ARHGAP35: variants seen among roughly 807,000 people sequenced by gnomAD.
ARHGAP35 encodes rho GTPase-activating protein 35.
ARHGAP35 carries 15 observed loss-of-function variants against 111.1 expected under a neutral mutation model. That is an observed-to-expected ratio of 0.13 (90% confidence interval 0.09 to 0.21). The LOEUF (loss-of-function observed/expected upper bound fraction) is 0.21, where lower values mean the gene tolerates loss of function less well. Among genes scored for constraint, ARHGAP35 ranks in the 10% least tolerant of loss-of-function variants. ARHGAP35 has a pLI of 1.00. For synonymous variants in ARHGAP35, 643 were observed against 710.3 expected (o/e 0.91, Z 1.51); for missense variants, 1,262 against 1,873.0 (o/e 0.67, Z 6.02).
intron 1 of ARHGAP35, among the ~76,000 whole-genome samples, chr19:46,867,429 G>A (rs925136792): frequency 6.6e-6 from 1 of 152,176 alleles, no homozygotes; most frequent in African/African-American, 2.4e-5. Flanking sequence ...GGCTTCCTAT[G>A]ATGTAAAGAA....
intron 1 of ARHGAP35, among the ~76,000 whole-genome samples, chr19:46,862,217 T>TGA (rs1254702203): frequency 6.6e-6 from 1 of 152,110 alleles, no homozygotes; most frequent in African/African-American, 2.4e-5. Flanking sequence ...CCCCCTTCTC[T>TGA]GACTCTGCAG....
At position 46,908,190 on chromosome 19, in the gene ARHGAP35, A is replaced by T. The variant is rs941601568; in HGVS notation, c.-188-10298A>T. On this transcript the variant is annotated intron_variant, in intron 1 of 6. Transcript: ENST00000672722. This position sits in a 1 kb window ranked among gnomAD's most constrained non-coding sequence, Gnocchi z 4.2. ...AACTTTTTTCCTAGTGAGAAGTTTT[A>T]AAAAAAAATTAGTAGAGTATAACTG... Among the ~76,000 whole-genome samples, 9 of 151,922 alleles carry T rather than the reference A, an allele frequency of 5.9e-5. No homozygotes were observed. Among genetic ancestry groups the T allele is most frequent in the African/African-American group, 1.4e-4 (6 of 41,380 alleles).
rs116564104 is a variant in ARHGAP35 at position 46,988,129 on chromosome 19, G to C, written c.3904+63G>C. 6 of 1,510,224 alleles carry C rather than the reference G, an allele frequency of 4.0e-6. No homozygotes were observed. The South Asian group carries it at 7.0e-5, about 18-fold the overall frequency. 93.6% of individuals were successfully genotyped at this position (1,510,224 alleles called of 1,614,324 possible). Reference sequence around the variant, plus strand: ...TGGTCAAGGCAGACACAGCTGCCTCGGTGAACTGTCTGTGGGGCTTCGGAG... The same window carrying C: ...TGGTCAAGGCAGACACAGCTGCCTCCGTGAACTGTCTGTGGGGCTTCGGAG... On this transcript the variant is annotated intron_variant, in intron 4 of 6. Transcript: ENST00000672722. The surrounding 1 kb of genome is among the most constrained non-coding windows in gnomAD (Gnocchi z 5.4).
intron 1 of ARHGAP35, among the ~76,000 whole-genome samples, chr19:46,912,356 CT>C (rs910736508): frequency 4.1e-4 from 59 of 142,268 alleles, no homozygotes; most frequent in African/African-American, 9.3e-4. Context: ...TGTTCTCTTC[CT>C]TTTTTTTTTT....
intron 2 of ARHGAP35, among the ~76,000 whole-genome samples, chr19:46,935,046 C>T (rs147821587): frequency 6.6e-6 from 1 of 152,304 alleles, no homozygotes; most frequent in African/African-American, 2.4e-5. Flanking sequence ...AAATTATTTC[C>T]TGTAAATGTA....
intron 2 of ARHGAP35, among the ~76,000 whole-genome samples, chr19:46,923,029 GA>G (rs992950913): frequency 6.6e-6 from 1 of 150,630 alleles, no homozygotes; most frequent in Non-Finnish European, 1.5e-5. Context: ...GGAGAGAAAA[GA>G]AAAAGTTAAC....
chr19:46,948,568 G>A (rs1417288026), intron 3 of ARHGAP35: 1 of 152,160 alleles, frequency 6.6e-6, no homozygotes, highest in African/African-American at 2.4e-5. Flanking sequence ...TCCATCTGAT[G>A]GAATACTTCT....
chr19:46,985,381 G>A (rs2056643511), intron 3 of ARHGAP35, among the ~76,000 whole-genome samples: 1 of 152,218 alleles, frequency 6.6e-6, no homozygotes, highest in Non-Finnish European at 1.5e-5. Context: ...GCTGTGGTCT[G>A]TACCCCAGCC....
chr19:46,967,763 C>T (rs193160253), intron 3 of ARHGAP35, among the ~76,000 whole-genome samples: 23 of 152,348 alleles, frequency 1.5e-4, no homozygotes, highest in African/African-American at 4.8e-4. Flanking sequence ...ATTAAAACTA[C>T]GCACAGTTCC....
Position 47,000,796 on chromosome 19 carries a change from T to C in ARHGAP35, c.*108T>C. 1.3e-6 allele frequency: 2 copies of C among 1,542,360 alleles called. No homozygotes were observed. The highest frequency in any genetic ancestry group is 1.7e-6 in the Non-Finnish European group (2 of 1,144,164). ...GGGGACAGAGGCAGGGGCAAGTGGC[T>C]CTCCCCATTACCTTCTCAAGACCTC... On this transcript the variant is annotated 3_prime_UTR_variant, in exon 7 of 7. Transcript: ENST00000672722. The surrounding 1 kb of genome is among the most constrained non-coding windows in gnomAD (Gnocchi z 6.9).
intron 1 of ARHGAP35, among the ~76,000 whole-genome samples, chr19:46,872,844 A>G (rs7251991): frequency 0.63 from 94,847 of 150,390 alleles, 30,603 homozygotes; most frequent in Middle Eastern, 0.81. Context: ...TTGTGCCACT[A>G]CACTCCGGCC....
rs1034836528 is a variant in ARHGAP35, at chr19:46,908,258, C to T, written c.-188-10230C>T. Among the ~76,000 whole-genome samples, 2 of 152,080 alleles carry T rather than the reference C, an allele frequency of 1.3e-5. No homozygotes were observed. Among genetic ancestry groups the T allele is most frequent in the Non-Finnish European group, 2.9e-5 (2 of 68,000 alleles). ...GAATAATTTTATAGGTTTTACTTAC[C>T]CTTTTGAAAATCAATGTAAAATTGG... On this transcript the variant is annotated intron_variant, in intron 1 of 6. Coordinates refer to ENST00000672722, the MANE Select transcript of ARHGAP35 (RefSeq NM_004491.5). The surrounding 1 kb of genome is among the most constrained non-coding windows in gnomAD (Gnocchi z 4.2).
intron 2 of ARHGAP35, among the ~76,000 whole-genome samples, chr19:46,933,001 A>G (rs915494055): frequency 6.6e-6 from 1 of 152,136 alleles, no homozygotes; most frequent in African/African-American, 2.4e-5. Flanking sequence ...CTCTATAGCT[A>G]TTTGAAAATA....
intron 3 of ARHGAP35, among the ~76,000 whole-genome samples, chr19:46,943,340 C>G (rs933533649): frequency 9.2e-5 from 14 of 152,132 alleles, no homozygotes; most frequent in Admixed American, 2.0e-4. Context: ...GGTTGAGCAC[C>G]CTGCAGGTGG....
chr19:46,983,639 A>T (rs1294424568), intron 3 of ARHGAP35, among the ~76,000 whole-genome samples: 1 of 115,520 alleles, frequency 8.7e-6, no homozygotes, highest in African/African-American at 3.4e-5. Context: ...TTTGAGACAG[A>T]GTCTCGCTTT....
chr19:46,941,135 A>G (rs2056344443), intron 3 of ARHGAP35, among the ~76,000 whole-genome samples: 1 of 151,918 alleles, frequency 6.6e-6, no homozygotes, highest in African/African-American at 2.4e-5. Context: ...AAATTGTTCT[A>G]CAAGAATGCG....
rs574545775 is a variant in ARHGAP35 at position 46,989,326 on chromosome 19, G to T, written c.3905-218G>T. On this transcript the variant is annotated intron_variant, in intron 4 of 6. Coordinates refer to ENST00000672722, the MANE Select transcript of ARHGAP35 (RefSeq NM_004491.5). The surrounding 1 kb of genome is among the most constrained non-coding windows in gnomAD (Gnocchi z 5.3). The stretch of plus-strand genomic sequence containing the variant: ...CCCTGCCCCGAGAGTGGTAGAAGGG[G>T]CAGTTCAGCAGTCTCGGAAAGAGGT... The T allele has an allele frequency of 6.5e-5, 33 of 511,218 alleles. No homozygotes were observed. The highest frequency in any genetic ancestry group is 1.1e-4 in the Non-Finnish European group (31 of 287,318). The allele number at this position is 511,218 out of a possible 1,614,324, so 31.7% of individuals were successfully genotyped here.
At chr19:46,995,369 C>T (rs1228270922) in intron 5 of ARHGAP35, among the ~76,000 whole-genome samples, 2 of 152,172 alleles carry the variant, frequency 1.3e-5, no homozygotes, top group Non-Finnish European at 2.9e-5. Flanking sequence ...CCACTGCACT[C>T]CAGCCTGGGC....
At chr19:46,862,971 C>G (rs1402691059) in intron 1 of ARHGAP35, among the ~76,000 whole-genome samples, 2 of 151,996 alleles carry the variant, frequency 1.3e-5, no homozygotes, top group Admixed American at 6.6e-5. Context: ...TTGGAGCTGC[C>G]TCAGTGCTGT....
Sources: allele counts gnomAD v4.1 joint callset (sites outside exome capture counted in the v4.1 genomes callset), GRCh38; gene constraint gnomAD v4.1.1; non-coding constraint Gnocchi (gnomAD v3.1); transcripts MANE v1.5; gene names NCBI Gene and HGNC (gene_info 2026-07-23, HGNC 2026-07-21).